The following SYT13 variants were observed in gnomAD, a reference collection of about 807,000 sequenced individuals.
SYT13 encodes synaptotagmin 13.
Under a neutral mutation model 38.6 loss-of-function variants are expected in SYT13, and 21 were observed. The ratio of observed to expected loss-of-function variants is 0.54; its 90% CI spans 0.39 to 0.78. The LOEUF is 0.78. Ranked by LOEUF, SYT13 falls within the 30% of genes least tolerant of loss-of-function variation. SYT13 has a pLI of 0.00. For missense variants in SYT13, 495 were observed against 548.7 expected (o/e 0.90, Z 0.98); for synonymous variants, 241 against 237.6 (o/e 1.01, Z -0.13).
chr11:45,260,560 G>A (rs1590518112), intron 1 of SYT13, among the ~76,000 whole-genome samples: 1 of 152,116 alleles, frequency 6.6e-6, no homozygotes, highest in South Asian at 2.1e-4. Flanking sequence ...GGTGCAGGAG[G>A]GACAGGACTT....
intron 1 of SYT13, among the ~76,000 whole-genome samples, chr11:45,281,052 C>G (rs991556011): frequency 1.3e-4 from 19 of 151,780 alleles, no homozygotes; most frequent in African/African-American, 4.6e-4. Context: ...AAAGATTAGC[C>G]GGGCATGGTG....
Position 45,244,150 on chromosome 11 carries a change from G to T in SYT13, c.1183C>A (p.Leu395Met). 1.9e-6 allele frequency: 3 copies of T among 1,613,902 alleles called. No homozygotes were observed. The highest frequency in any genetic ancestry group is 2.5e-6 in the Non-Finnish European group (3 of 1,180,042). The change falls in exon 6 of 6, where the codon CTG becomes ATG. Residue 395 changes from leucine to methionine, a missense_variant. Leu to Met is a conservative substitution (Grantham distance 15). Coordinates refer to ENST00000020926, the MANE Select transcript of SYT13 (RefSeq NM_020826.3). ...GQSCALGHCSLGLHTSGSERS... is the reference protein window; with the variant it reads ...GQSCALGHCSMGLHTSGSERS... ...TCAGAGCCCGAGGTGTGCAGGCCCA[G>T]GCTGCAGTGGCCAAGCGCACAGCTC...
At chr11:45,254,073 C>T (rs1253757731) in intron 3 of SYT13, 197 bp downstream of exon 3, 1 of 502,756 alleles carries the variant, frequency 2.0e-6, no homozygotes, top group Non-Finnish European at 3.2e-6. Context: ...GTTTGTCAAC[C>T]AGGAATCCCC....
intron 2 of SYT13, 33 bp from the exon 3 acceptor site, chr11:45,254,437 C>T (rs1854718279): frequency 1.2e-6 from 2 of 1,602,476 alleles, no homozygotes; most frequent in Non-Finnish European, 1.7e-6. Context: ...CACTGCCACC[C>T]ACACTGGGGT....
chr11:45,241,782 ACCC>A lies in SYT13; in HGVS notation c.*2267_*2269del. 6.6e-6 allele frequency: 1 copy of A among 152,168 alleles called. No individual in the cohort carries two copies. The highest frequency in any genetic ancestry group is 1.5e-5 in the Non-Finnish European group (1 of 68,026). 9.4% of individuals were successfully genotyped at this position (152,168 alleles called of 1,614,324 possible). On this transcript the variant is annotated 3_prime_UTR_variant, in exon 6 of 6. Coordinates refer to ENST00000020926, the MANE Select transcript of SYT13 (RefSeq NM_020826.3). The stretch of plus-strand genomic sequence containing the variant: ...TATAGGAAATGTTTTGTTTTCTTTT[ACCC>A]ACACCAACCAAAGAGAAGAAACCAG...
intron 1 of SYT13, among the ~76,000 whole-genome samples, chr11:45,284,450 T>C (rs1006392663): frequency 4.6e-5 from 7 of 152,196 alleles, no homozygotes; most frequent in Admixed American, 2.6e-4. Context: ...CAGTGTATGC[T>C]ATGTCATGGT....
rs1855136042 is a variant in SYT13, at chr11:45,286,293, G to C, written c.-86C>G. The C allele has an allele frequency of 5.7e-6, 8 of 1,411,310 alleles. No individual in the cohort carries two copies. The highest frequency in any genetic ancestry group is 6.5e-6 in the Non-Finnish European group (7 of 1,079,296). The allele number at this position is 1,411,310 out of a possible 1,614,324, so 87.4% of individuals were successfully genotyped here. A position where few individuals can be genotyped will look rare whatever the true frequency, so the allele number is the denominator to read the frequency against. ...CGCCTCCAGGCAGCTCCCGGGATCC[G>C]GGCGAGCCAGCAGCTCTCCCGCCGC... On this transcript the variant is annotated 5_prime_UTR_variant, in exon 1 of 6. Coordinates refer to ENST00000020926, the MANE Select transcript of SYT13 (RefSeq NM_020826.3).
Position 45,241,336 on chromosome 11 carries a change from A to G in SYT13, c.*2716T>C, listed in dbSNP as rs1198407861. ...AGACAGCTTTATCCCAGGCACTTAG[A>G]ATACAGTGAACATAACAGACAACTC... On this transcript the variant is annotated 3_prime_UTR_variant, in exon 6 of 6. Coordinates refer to ENST00000020926, the MANE Select transcript of SYT13 (RefSeq NM_020826.3). 6.6e-6 allele frequency: 1 copy of G among 152,200 alleles called. No homozygotes were observed. Among genetic ancestry groups the G allele is most frequent in the Non-Finnish European group, 1.5e-5 (1 of 68,034 alleles). 9.4% of individuals were successfully genotyped at this position (152,200 alleles called of 1,614,324 possible).
Position 45,265,041 on chromosome 11 carries a change from G to A in SYT13, c.184-9150C>T, listed in dbSNP as rs553026950. Reference sequence around the variant, plus strand: ...GAATCTGCAAGAAGACTTAGACATGGCTACTGAGAGCAACGTGACTCATCC... The same window carrying A: ...GAATCTGCAAGAAGACTTAGACATGACTACTGAGAGCAACGTGACTCATCC... On this transcript the variant is annotated intron_variant, in intron 1 of 5. Transcript: ENST00000020926. Among the ~76,000 whole-genome samples, 7 of 152,332 alleles carry A rather than the reference G, an allele frequency of 4.6e-5. No individual in the cohort carries two copies. In the South Asian group the frequency reaches 1.5e-3, roughly 32 times the overall value.
chr11:45,255,362 C>G (rs577485167), intron 2 of SYT13, among the ~76,000 whole-genome samples: 2 of 152,146 alleles, frequency 1.3e-5, no homozygotes, highest in South Asian at 2.1e-4. Context: ...CAAATTAAAC[C>G]CTTGACTCTG....
intron 5 of SYT13, among the ~76,000 whole-genome samples, chr11:45,245,153 G>A (rs1036960268): frequency 1.3e-5 from 2 of 152,132 alleles, no homozygotes; most frequent in Admixed American, 1.3e-4. Context: ...GTTCCTGCAC[G>A]CTCCCCCAAA....
intron 1 of SYT13, among the ~76,000 whole-genome samples, chr11:45,284,964 G>A (rs1855116693): frequency 6.6e-6 from 1 of 152,136 alleles, no homozygotes; most frequent in African/African-American, 2.4e-5. Flanking sequence ...CACACAACTG[G>A]GTCCTCTGAG....
At chr11:45,253,801 G>C (rs1260391601) in intron 3 of SYT13, 1 of 152,562 alleles carries the variant, frequency 6.6e-6, no homozygotes, top group African/African-American at 2.4e-5. Context: ...TTCCTTCCGG[G>C]GCACCTGTCG....
At chr11:45,269,541 A>C (rs911913428) in intron 1 of SYT13, 1 of 1,153,050 alleles carries the variant, frequency 8.7e-7, no homozygotes, top group Non-Finnish European at 1.2e-6. Flanking sequence ...TATTGTATTT[A>C]ATCTTCACGC....
At chr11:45,285,845 C>T (rs1475391347) in intron 1 of SYT13, 180 bp downstream of exon 1, 5 of 625,170 alleles carry the variant, frequency 8.0e-6, no homozygotes, top group African/African-American at 7.4e-5. Context: ...CATCCCCTAG[C>T]CTCCCCCATC....
intron 1 of SYT13, among the ~76,000 whole-genome samples, chr11:45,259,238 C>G (rs1854787713): frequency 6.6e-6 from 1 of 152,168 alleles, no homozygotes; most frequent in African/African-American, 2.4e-5. Flanking sequence ...AAGTCACCCT[C>G]TACTGTCACT....
At chr11:45,255,563 G>A in intron 2 of SYT13, 103 bp downstream of exon 2, 2 of 1,134,044 alleles carry the variant, frequency 1.8e-6, no homozygotes, top group Non-Finnish European at 2.5e-6. Context: ...CAAATGCCGG[G>A]GCACTCGGCC....
intron 1 of SYT13, among the ~76,000 whole-genome samples, chr11:45,275,454 G>T (rs1854999588): frequency 6.6e-6 from 1 of 152,110 alleles, no homozygotes; most frequent in African/African-American, 2.4e-5. Context: ...TAAAAACATG[G>T]TGATTAGCAG....
rs770291289 is a variant in SYT13, at chr11:45,252,379, G to T, written c.846+42C>A. ...ACACCAGGTTCTGCCATCCCATGCT[G>T]CACGGGCAGGTTTTACCTTTCTAAC... is the stretch of plus-strand genomic sequence containing the variant. On this transcript the variant is annotated intron_variant, in intron 4 of 5. Coordinates refer to ENST00000020926, the MANE Select transcript of SYT13 (RefSeq NM_020826.3). The surrounding 1 kb of genome is among the most constrained non-coding windows in gnomAD (Gnocchi z 4.3). The T allele has an allele frequency of 6.6e-7, 1 of 1,517,966 alleles. No individual in the cohort carries two copies. Among genetic ancestry groups the T allele is most frequent in the Admixed American group, 1.9e-5 (1 of 51,584 alleles). 94.0% of individuals were successfully genotyped at this position (1,517,966 alleles called of 1,614,324 possible).
Sources: allele counts gnomAD v4.1 joint callset (sites outside exome capture counted in the v4.1 genomes callset), GRCh38; gene constraint gnomAD v4.1.1; non-coding constraint Gnocchi (gnomAD v3.1); transcripts MANE v1.5; gene names NCBI Gene and HGNC (gene_info 2026-07-23, HGNC 2026-07-21).